IL23R: variants seen among roughly 807,000 people sequenced by gnomAD.
The protein encoded by IL23R is interleukin 23 receptor.
In IL23R, 34 loss-of-function variants were observed where a neutral mutation model predicts 56.9. That is an observed-to-expected ratio of 0.60 (90% confidence interval 0.45 to 0.80). The LOEUF is 0.80. IL23R is among the 30% of genes least tolerant of loss of function. IL23R has a pLI of 0.00. For synonymous variants in IL23R, 230 were observed against 249.2 expected, an observed-to-expected ratio of 0.92 and a Z score of 0.73; for missense variants, 635 against 730.0, an observed-to-expected ratio of 0.87 and a Z score of 1.50.
Position 67,258,650 on chromosome 1 carries a change from A to T in IL23R, c.1412A>T (p.Asn471Ile). The T allele has an allele frequency of 1.2e-6, 2 of 1,614,024 alleles. No individual in the cohort carries two copies. The highest frequency in any genetic ancestry group is 1.7e-6 in the Non-Finnish European group (2 of 1,179,982). ...TACCCGCAAAACTCGCTATTCGACA[A>T]TACTACAGTTGTATATATTCCTGAT... ...RDYPQNSLFD[N>I]TTVVYIPDLN... is the part of the protein sequence containing the mutation. Residue 471 changes from asparagine (N) to isoleucine (I), a missense_variant, in exon 11 of 11, where the codon AAT becomes ATT. Coordinates refer to ENST00000347310, the MANE Select transcript of IL23R (RefSeq NM_144701.3).
chr1:67,152,657 AG>A (rs1262885459), intron 1 of IL23R, among the ~76,000 whole-genome samples: 2 of 152,172 alleles, frequency 1.3e-5, no homozygotes, highest in African/African-American at 4.8e-5. Context: ...TTTAACATGA[AG>A]GGATGTTGAA....
intron 1 of IL23R, among the ~76,000 whole-genome samples, chr1:67,145,650 G>A (rs373449610): frequency 1.3e-4 from 20 of 152,234 alleles, no homozygotes; most frequent in African/African-American, 3.9e-4. Context: ...TTTGTTGACC[G>A]AATTAATGAA....
chr1:67,181,900 C>T (rs951123460), intron 3 of IL23R, among the ~76,000 whole-genome samples: 2 of 152,188 alleles, frequency 1.3e-5, no homozygotes, highest in Non-Finnish European at 2.9e-5. Context: ...GAGGTCCATT[C>T]CAGCCCTGTT....
rs149840639 is a variant in IL23R at position 67,224,913 on chromosome 1, C to T, written c.955+5183C>T. ...TACATATGAATTGTTCTTTATTTAT[C>T]ACTGCAGCTCTATAAAAGGAGTGTA... is the stretch of plus-strand genomic sequence containing the variant. On this transcript the variant is annotated intron_variant, in intron 7 of 10. Coordinates refer to ENST00000347310, the MANE Select transcript of IL23R (RefSeq NM_144701.3). 6.1e-4 allele frequency among the ~76,000 whole-genome samples: 93 copies of T among 152,260 alleles called. No individual in the cohort carries two copies. The East Asian group carries it at 0.017, about 28-fold the overall frequency.
At chr1:67,161,627 G>A (rs1187330458), upstream of IL23R, among the ~76,000 whole-genome samples, 2 of 144,788 alleles carry the variant, frequency 1.4e-5, no homozygotes. Context: ...ATATATATTT[G>A]TTTTTGTTTT....
chr1:67,201,426 C>A (rs1314992839), intron 5 of IL23R, among the ~76,000 whole-genome samples: 1 of 149,690 alleles, frequency 6.7e-6, no homozygotes, highest in Non-Finnish European at 1.5e-5. Context: ...AAAAAAAAAT[C>A]CATATATGTG....
At chr1:67,204,710 T>C (rs1233596851) in intron 5 of IL23R, among the ~76,000 whole-genome samples, 1 of 151,412 alleles carries the variant, frequency 6.6e-6, no homozygotes, top group Non-Finnish European at 1.5e-5. Context: ...CTTAAAATGG[T>C]CCTAAGCAAT....
At chr1:67,263,436 T>C (rs1414585894), downstream of IL23R, among the ~76,000 whole-genome samples, 2 of 152,172 alleles carry the variant, frequency 1.3e-5, no homozygotes, top group African/African-American at 4.8e-5. Context: ...GAGAGGCTTA[T>C]GAGTTTTTAA....
At chr1:67,212,861 T>C (rs1278764575) in intron 6 of IL23R, among the ~76,000 whole-genome samples, 3 of 151,954 alleles carry the variant, frequency 2.0e-5, no homozygotes, top group Admixed American at 1.3e-4. Context: ...GGCTAAGTCA[T>C]GCAATCTTTC....
chr1:67,148,047 C>T (rs12566159), intron 1 of IL23R, among the ~76,000 whole-genome samples: 4,139 of 152,284 alleles, frequency 0.027, 64 homozygotes, highest in East Asian at 0.076. Flanking sequence ...GGAAGAGAAC[C>T]GTGGAACCCA....
intron 3 of IL23R, among the ~76,000 whole-genome samples, chr1:67,182,462 G>A (rs1306746454): frequency 6.6e-6 from 1 of 152,202 alleles, no homozygotes; most frequent in African/African-American, 2.4e-5. Context: ...CTCCTGGTGT[G>A]CCATTTGCTG....
chr1:67,250,197 T>A (rs1023199182), intron 9 of IL23R, among the ~76,000 whole-genome samples: 1 of 152,258 alleles, frequency 6.6e-6, no homozygotes, highest in African/African-American at 2.4e-5. Flanking sequence ...CTGGATTACA[T>A]GTTGTAATGG....
At position 67,204,219 on chromosome 1, in the gene IL23R, T is replaced by A. The variant is rs540379233; in HGVS notation, c.653-2691T>A. Among the ~76,000 whole-genome samples, 226 of 152,206 alleles carry A rather than the reference T, an allele frequency of 1.5e-3. 1 individual carries two copies. The highest frequency in any genetic ancestry group is 4.4e-3 in the East Asian group (23 of 5,170). On this transcript the variant is annotated intron_variant, in intron 5 of 10. Transcript: ENST00000347310. ...GCTGGGACTACAGGCGCCAGCCACC[T>A]CGCCCCGCTAATTTTTTGTATTTTT...
At chr1:67,201,548 A>G in intron 5 of IL23R, among the ~76,000 whole-genome samples, 1 of 149,100 alleles carries the variant, frequency 6.7e-6, no homozygotes, top group Admixed American at 6.6e-5. Context: ...CTACTAGGGA[A>G]GGCAAAAAAA....
chr1:67,259,145 T>G lies in IL23R; in HGVS notation c.*17T>G, dbSNP rs11465827. ...GAAAAGTAGAGCTGTGTGGTCAAAA[T>G]CAATATGAGAAAGCTGCCTTGCAAT... On this transcript the variant is annotated 3_prime_UTR_variant, in exon 11 of 11. Transcript: ENST00000347310. 7.0e-3 allele frequency: 11,319 copies of G among 1,613,116 alleles called. 62 individuals carry two copies. Among genetic ancestry groups the G allele is most frequent in the Non-Finnish European group, 7.2e-3 (8,519 of 1,179,434 alleles).
chr1:67,172,152 CA>C (rs1464751746), intron 3 of IL23R, among the ~76,000 whole-genome samples: 16 of 152,256 alleles, frequency 1.1e-4, no homozygotes, highest in Admixed American at 7.2e-4. Context: ...ACATTCTTAG[CA>C]AACAAAACTT....
In IL23R at chr1:67,258,956, T is replaced by A. The variant is rs762798308; in HGVS notation, c.1718T>A (p.Met573Lys). Residue 573 changes from methionine to lysine, a missense_variant, in exon 11 of 11, where the codon ATG (methionine) becomes AAG (lysine). Physicochemically the swap from Met to Lys is moderately conservative, Grantham distance 95. Transcript: ENST00000347310. The part of the protein sequence containing the change: ...IQNSVEEETT[M>K]LLENDSPSET... ...AACTCAGTAGAGGAGGAAACCACCA[T>A]GCTTTTGGAAAATGATTCACCCAGT... is the stretch of plus-strand genomic sequence containing the variant. The A allele has an allele frequency of 7.4e-6, 12 of 1,614,016 alleles. No individual in the cohort carries two copies.
intron 1 of IL23R, among the ~76,000 whole-genome samples, chr1:67,155,334 CCTGT>C (rs1452041216): frequency 1.3e-5 from 2 of 152,052 alleles, no homozygotes; most frequent in Non-Finnish European, 2.9e-5. Context: ...TGAATGTTGG[CCTGT>C]CTTGCTAGGT....
chr1:67,241,814 T>A (rs1651871030), intron 9 of IL23R, among the ~76,000 whole-genome samples: 1 of 152,160 alleles, frequency 6.6e-6, no homozygotes, highest in South Asian at 2.1e-4. Context: ...AGGGTCCTCA[T>A]AAACCAAACC....
Sources: allele counts gnomAD v4.1 joint callset (sites outside exome capture counted in the v4.1 genomes callset), GRCh38; gene constraint gnomAD v4.1.1; transcripts MANE v1.5; gene names NCBI Gene and HGNC (gene_info 2026-07-23, HGNC 2026-07-21).